The following DRD2 variants were observed in gnomAD, a reference collection of about 807,000 sequenced individuals.
DRD2 encodes the protein dopamine receptor D2, also known as D(2) dopamine receptor.
In DRD2, 8 loss-of-function variants were observed where a neutral mutation model predicts 38.0. The observed-to-expected ratio is 0.21, with a 90% confidence interval of 0.12 to 0.38. The LOEUF is 0.38. DRD2 is among the 10% of genes least tolerant of loss of function. The pLI is 1.00. For missense variants in DRD2, 403 were observed against 607.7 expected (o/e 0.66, Z 3.54); for synonymous variants, 230 against 238.6 (o/e 0.96, Z 0.33).
At chr11:113,453,807 G>A (rs1215732494) in intron 1 of DRD2, among the ~76,000 whole-genome samples, 2 of 152,160 alleles carry the variant, frequency 1.3e-5, no homozygotes, top group African/African-American at 4.8e-5. Flanking sequence ...TTATTCCTCT[G>A]CACCTTTTAC....
At chr11:113,423,896 G>C (rs1330716138) in intron 2 of DRD2, among the ~76,000 whole-genome samples, 2 of 152,168 alleles carry the variant, frequency 1.3e-5, no homozygotes, top group African/African-American at 2.4e-5. Flanking sequence ...AAGGTTTCAG[G>C]GGCCTGGGAG....
chr11:113,443,293 C>A (rs1027727513), intron 1 of DRD2, among the ~76,000 whole-genome samples: 9 of 152,118 alleles, frequency 5.9e-5, no homozygotes, highest in African/African-American at 1.9e-4. Context: ...TCATAGTACA[C>A]TATTGGCTCT....
intron 1 of DRD2, among the ~76,000 whole-genome samples, chr11:113,429,413 T>A (rs1416031497): frequency 2.0e-5 from 3 of 152,196 alleles, no homozygotes; most frequent in South Asian, 4.1e-4. Context: ...TCCAGCTAAT[T>A]TTTTTGTATT....
rs180702660 is a variant in DRD2, at chr11:113,458,345, C to G, written c.-32+16731G>C. On this transcript the variant is annotated intron_variant, in intron 1 of 7. Coordinates refer to ENST00000362072, the MANE Select transcript of DRD2 (RefSeq NM_000795.4). ...TTTTTATTGCATATGTAATCTCTGA[C>G]CCACATGGGTGATATGGGATGCCAG... Among the ~76,000 whole-genome samples, 4 of 152,160 alleles carry G rather than the reference C, an allele frequency of 2.6e-5. No individual in the cohort carries two copies. In the East Asian group the frequency reaches 7.7e-4, roughly 29 times the overall value.
chr11:113,412,483 G>A, intron 7 of DRD2, 73 bp downstream of exon 7: 1 of 1,570,090 alleles, frequency 6.4e-7, no homozygotes, highest in Non-Finnish European at 8.7e-7. Context: ...CTGCAGCCAT[G>A]GTTAGGAAGG....
chr11:113,443,568 G>A (rs1282363188), intron 1 of DRD2, among the ~76,000 whole-genome samples: 1 of 152,146 alleles, frequency 6.6e-6, no homozygotes, highest in East Asian at 1.9e-4. Flanking sequence ...GATGTGCACC[G>A]CACACCATAT....
chr11:113,443,959 G>GT (rs1951117141), intron 1 of DRD2, among the ~76,000 whole-genome samples: 2 of 152,332 alleles, frequency 1.3e-5, no homozygotes, highest in African/African-American at 4.8e-5. Context: ...ACTGGAAGCT[G>GT]TAAGTAAAGT....
rs1591297262 is a variant in DRD2, at chr11:113,452,318, C to T, written c.-32+22758G>A. Among the ~76,000 whole-genome samples, 3 of 152,230 alleles carry T rather than the reference C, an allele frequency of 2.0e-5. No homozygotes were observed. In the South Asian group the frequency reaches 6.2e-4, roughly 32 times the overall value. ...ATGTAAATAACTTGAAAAATAAATA[C>T]ACAAGAAAAGCAGCAACTGTGAAGC... On this transcript the variant is annotated intron_variant, in intron 1 of 7. Coordinates refer to ENST00000362072, the MANE Select transcript of DRD2 (RefSeq NM_000795.4).
Position 113,412,852 on chromosome 11 carries a change from A to G in DRD2, c.842T>C (p.Met281Thr). 3 of 1,612,668 alleles carry G rather than the reference A, an allele frequency of 1.9e-6. No homozygotes were observed. The highest frequency in any genetic ancestry group is 2.5e-6 in the Non-Finnish European group (3 of 1,179,830). The part of the protein sequence containing the change: ...EAARRAQELE[M>T]EMLSSTSPPE... ...TGGGCTGGTGCTGGAGAGCATCTCC[A>G]TCTCCAGCTCCTGGGCTCGCCGGGC... Residue 281 changes from methionine (M) to threonine (T), a missense_variant, in exon 7 of 8, where the codon ATG (methionine) becomes ACG (threonine). Transcript: ENST00000362072.
At chr11:113,468,889 T>G (rs1328746124) in intron 1 of DRD2, among the ~76,000 whole-genome samples, 1 of 152,228 alleles carries the variant, frequency 6.6e-6, no homozygotes, top group African/African-American at 2.4e-5. Context: ...GAGTCACTCC[T>G]GTGTCTGTCC....
rs181303959 is a variant in DRD2 at position 113,433,230 on chromosome 11, C to T, written c.-31-8548G>A. 1.3e-3 allele frequency among the ~76,000 whole-genome samples: 202 copies of T among 152,304 alleles called. 1 individual carries two copies. Among genetic ancestry groups the T allele is most frequent in the Non-Finnish European group, 2.2e-3 (150 of 68,026 alleles). Reference sequence around the variant, plus strand: ...AACGGTTTTTCCTGCATCCCAGGCCCGAGTGCACAGGGGAGTGGGGTGTGA... The same window carrying T: ...AACGGTTTTTCCTGCATCCCAGGCCTGAGTGCACAGGGGAGTGGGGTGTGA... On this transcript the variant is annotated intron_variant, in intron 1 of 7. Coordinates refer to ENST00000362072, the MANE Select transcript of DRD2 (RefSeq NM_000795.4).
chr11:113,459,814 ATGTT>A (rs1265665670), intron 1 of DRD2, among the ~76,000 whole-genome samples: 1 of 152,202 alleles, frequency 6.6e-6, no homozygotes. Context: ...GGAAAGATAA[ATGTT>A]TGAGGTGACA....
chr11:113,419,658 G>T (rs1950866289), intron 2 of DRD2, among the ~76,000 whole-genome samples: 1 of 152,168 alleles, frequency 6.6e-6, no homozygotes, highest in Non-Finnish European at 1.5e-5. Flanking sequence ...ACCAATAGGA[G>T]CAGAGAGGAG....
chr11:113,459,307 G>T (rs753260218), intron 1 of DRD2, among the ~76,000 whole-genome samples: 1 of 152,214 alleles, frequency 6.6e-6, no homozygotes, highest in Non-Finnish European at 1.5e-5. Context: ...AATAGAATAT[G>T]TGTTTTAAAG....
intron 2 of DRD2, among the ~76,000 whole-genome samples, chr11:113,424,165 CT>C (rs1409334570): frequency 1.3e-5 from 2 of 152,164 alleles, no homozygotes; most frequent in African/African-American, 4.8e-5. Context: ...TTAGTAAGCA[CT>C]TTACAAATGG....
At chr11:113,466,128 G>C (rs1371248767) in intron 1 of DRD2, among the ~76,000 whole-genome samples, 2 of 152,158 alleles carry the variant, frequency 1.3e-5, no homozygotes, top group East Asian at 3.9e-4. Context: ...GCATTAGCCT[G>C]GTTTTTGAGT....
intron 1 of DRD2, among the ~76,000 whole-genome samples, chr11:113,460,395 G>A (rs1591301529): frequency 6.6e-6 from 1 of 152,242 alleles, no homozygotes; most frequent in African/African-American, 2.4e-5. Context: ...GAGAATCTGG[G>A]TTCTGCCTCA....
intron 1 of DRD2, among the ~76,000 whole-genome samples, chr11:113,467,421 G>A (rs1466169534): frequency 6.6e-6 from 1 of 152,162 alleles, no homozygotes; most frequent in African/African-American, 2.4e-5. Flanking sequence ...TTCTCAGGCA[G>A]GACCATACTT....
At chr11:113,422,798 A>G (rs1244629761) in intron 2 of DRD2, among the ~76,000 whole-genome samples, 2 of 152,122 alleles carry the variant, frequency 1.3e-5, no homozygotes, top group Non-Finnish European at 2.9e-5. Flanking sequence ...GAGGTGTGCC[A>G]CTTTCCACCA....
Sources: allele counts gnomAD v4.1 joint callset (sites outside exome capture counted in the v4.1 genomes callset), GRCh38; gene constraint gnomAD v4.1.1; transcripts MANE v1.5; gene names NCBI Gene and HGNC (gene_info 2026-07-23, HGNC 2026-07-21).